RSF1: variants seen among roughly 807,000 people sequenced by gnomAD.
The protein encoded by RSF1 is remodeling and spacing factor 1, also known as HBV pX-associated protein 8.
In RSF1, 13 loss-of-function variants were observed where a neutral mutation model predicts 145.2. That is an observed-to-expected ratio of 0.09 (90% CI 0.06 to 0.14). The LOEUF is 0.14. Among genes scored for constraint, RSF1 ranks in the 10% least tolerant of loss-of-function variants. The pLI, the probability that RSF1 is intolerant of heterozygous loss-of-function variation, is 1.00. For synonymous variants in RSF1, 577 were observed against 592.6 expected (o/e 0.97, Z 0.38); for missense variants, 1,517 against 1,718.2 (o/e 0.88, Z 2.07).
chr11:77,742,366 G>A lies in RSF1; in HGVS notation c.373-1430C>T, dbSNP rs138031662. ...GCGATCTCGGCTCACTGTAACCTCC[G>A]CCTCCTGGGTTCAAGAGATTCTCTT... On this transcript the variant is annotated intron_variant, in intron 3 of 15. Transcript: ENST00000308488. Among the ~76,000 whole-genome samples, 44 of 152,040 alleles carry A rather than the reference G, an allele frequency of 2.9e-4. No homozygotes were observed. The East Asian group carries it at 7.6e-3, about 26-fold the overall frequency.
rs540268310 is a variant in RSF1, at chr11:77,719,588, G to A, written c.733+5957C>T. 2.6e-5 allele frequency among the ~76,000 whole-genome samples: 4 copies of A among 152,218 alleles called. No individual in the cohort carries two copies. The East Asian group carries it at 7.7e-4, about 29-fold the overall frequency. ...TAATTTTCAATTTTAGATGTCGACA[G>A]CAACTTCATTTAAAAAATCAGTCAT... is the stretch of plus-strand genomic sequence containing the variant. On this transcript the variant is annotated intron_variant, in intron 5 of 15. Coordinates refer to ENST00000308488, the MANE Select transcript of RSF1 (RefSeq NM_016578.4).
intron 14 of RSF1, among the ~76,000 whole-genome samples, chr11:77,673,828 CAAA>C (rs768141091): frequency 1.2e-4 from 18 of 151,910 alleles, no homozygotes; most frequent in Non-Finnish European, 2.4e-4. Flanking sequence ...CACAAGGAAA[CAAA>C]AGAAATCAAA....
At position 77,665,781 on chromosome 11, in the gene RSF1, C is replaced by CACACAA. The variant is rs1376435783; in HGVS notation, c.*1130_*1135dup. On this transcript the variant is annotated 3_prime_UTR_variant, in exon 16 of 16. Transcript: ENST00000308488. Reference sequence around the variant, plus strand: ...ACACACACACACACGCACACGCACACACACAAACACACACACACGCTAAAA... The same window carrying CACACAA: ...ACACACACACACACGCACACGCACACACACAAACACAAACACACACACACGCTAAAA... 1.9e-5 allele frequency: 2 copies of CACACAA among 103,606 alleles called. No homozygotes were observed. Among genetic ancestry groups the CACACAA allele is most frequent in the East Asian group, 2.9e-4 (1 of 3,488 alleles). 6.4% of individuals were successfully genotyped at this position (103,606 alleles called of 1,614,324 possible). A position where few individuals can be genotyped will look rare whatever the true frequency, so the allele number is the denominator to read the frequency against.
intron 5 of RSF1, chr11:77,718,298 C>T (rs1331763821): frequency 2.0e-5 from 3 of 151,924 alleles, no homozygotes; most frequent in Non-Finnish European, 4.4e-5. Flanking sequence ...AAGAGTAAAA[C>T]TCCGTCTCAG....
chr11:77,827,617 G>A, the RSF1 span, among the ~76,000 whole-genome samples: 1 of 152,102 alleles, frequency 6.6e-6, no homozygotes, highest in Non-Finnish European at 1.5e-5. Context: ...GAAGAGAAGG[G>A]AACTTTTTCA....
At chr11:77,839,740 GT>G in the RSF1 span, among the ~76,000 whole-genome samples, 5 of 152,090 alleles carry the variant, frequency 3.3e-5, no homozygotes, top group Admixed American at 1.3e-4. Context: ...AACAGCACAT[GT>G]TCTCACTTAT....
chr11:77,788,142 C>CAAAAAAAA (rs66595170), intron 1 of RSF1, among the ~76,000 whole-genome samples: 1 of 3,432 alleles, frequency 2.9e-4, no homozygotes, highest in African/African-American at 5.1e-4. Context: ...GACACTATCT[C>CAAAAAAAA]AAAAAAAAAA....
intron 15 of RSF1, 68 bp downstream of exon 15, chr11:77,671,974 C>A: frequency 7.4e-7 from 1 of 1,345,580 alleles, no homozygotes; most frequent in Non-Finnish European, 1.0e-6. Context: ...AATCACAATC[C>A]TGAGTTCACT....
intron 15 of RSF1, 71 bp from the exon 16 acceptor site, chr11:77,667,562 C>T (rs750109722): frequency 1.4e-5 from 19 of 1,331,300 alleles, no homozygotes; most frequent in Admixed American, 7.8e-5. Context: ...CTTTTCCTCC[C>T]GATATTCACC....
chr11:77,805,397 C>G (rs977645394), intron 1 of RSF1, among the ~76,000 whole-genome samples: 11 of 151,720 alleles, frequency 7.3e-5, no homozygotes, highest in Non-Finnish European at 1.5e-5. Context: ...GCCAAGATCA[C>G]ACCACTACAC....
chr11:77,814,491 G>A (rs1056777541), intron 1 of RSF1, among the ~76,000 whole-genome samples: 2 of 152,118 alleles, frequency 1.3e-5, no homozygotes, highest in African/African-American at 4.8e-5. Context: ...TGTCACCCAG[G>A]CTGGAGTGCA....
At chr11:77,819,162 G>C (rs1213799119) in intron 1 of RSF1, among the ~76,000 whole-genome samples, 2 of 152,198 alleles carry the variant, frequency 1.3e-5, no homozygotes, top group African/African-American at 4.8e-5. Flanking sequence ...ATAGAAGAGC[G>C]ACCCTGCTTT....
the RSF1 span, among the ~76,000 whole-genome samples, chr11:77,868,058 CTT>C: frequency 9.5e-5 from 13 of 137,050 alleles, no homozygotes; most frequent in Non-Finnish European, 1.6e-4. Flanking sequence ...TCCTCTGAGC[CTT>C]TTTTTTTTTT....
At chr11:77,667,985 G>C (rs1187661870) in intron 15 of RSF1, among the ~76,000 whole-genome samples, 1 of 151,206 alleles carries the variant, frequency 6.6e-6, no homozygotes, top group East Asian at 1.9e-4. Flanking sequence ...TTACAGGCAT[G>C]AGCCACTGTG....
intron 4 of RSF1, among the ~76,000 whole-genome samples, chr11:77,732,215 G>A (rs557152428): frequency 3.3e-4 from 50 of 152,322 alleles, no homozygotes; most frequent in African/African-American, 1.1e-3. Context: ...GCTGGATTTC[G>A]GACTTGCATG....
At chr11:77,677,025 G>A in intron 12 of RSF1, 26 bp from the exon 13 acceptor site, 2 of 1,571,408 alleles carry the variant, frequency 1.3e-6, no homozygotes, top group South Asian at 1.1e-5. Context: ...GGAAGTTCGG[G>A]GAGAGAAAAA....
At chr11:77,773,233 T>TTA (rs1948306235) in intron 1 of RSF1, among the ~76,000 whole-genome samples, 2 of 152,208 alleles carry the variant, frequency 1.3e-5, no homozygotes, top group South Asian at 4.1e-4. Flanking sequence ...ATTACATTAT[T>TTA]TATTTAACGG....
intron 9 of RSF1, among the ~76,000 whole-genome samples, chr11:77,686,556 T>A (rs933317998): frequency 6.6e-6 from 1 of 152,100 alleles, no homozygotes; most frequent in Non-Finnish European, 1.5e-5. Context: ...GCTTGTAATG[T>A]TCCTTATATA....
At chr11:77,738,318 G>GC (rs201520791) in intron 4 of RSF1, among the ~76,000 whole-genome samples, 4 of 151,720 alleles carry the variant, frequency 2.6e-5, no homozygotes, top group Non-Finnish European at 5.9e-5. Context: ...AAGTACATTA[G>GC]CCCCCCCATA....
Sources: gnomAD v4.1 joint callset for allele counts (sites outside exome capture counted in the v4.1 genomes callset) on GRCh38, gnomAD v4.1.1 for gene constraint, MANE v1.5 for transcripts, NCBI Gene and HGNC (gene_info 2026-07-23, HGNC 2026-07-21) for gene names.